The following PAK5 variants were observed in gnomAD, a reference collection of about 807,000 sequenced individuals.
PAK5 encodes the protein serine/threonine-protein kinase PAK 5.
Under a neutral mutation model 65.9 loss-of-function variants are expected in PAK5, and 16 were observed. The ratio of observed to expected loss-of-function variants is 0.24; its 90% CI spans 0.16 to 0.37. The LOEUF (loss-of-function observed/expected upper bound fraction) is 0.37, where lower values mean the gene tolerates loss of function less well. PAK5 is among the 10% of genes least tolerant of loss of function. PAK5 has a pLI of 1.00. For missense variants in PAK5, 785 were observed against 903.9 expected, an observed-to-expected ratio of 0.87 and a Z score of 1.69; for synonymous variants, 371 against 354.9, an observed-to-expected ratio of 1.05 and a Z score of -0.51.
intron 2 of PAK5, among the ~76,000 whole-genome samples, chr20:9,691,327 G>C (rs1288029564): frequency 6.6e-6 from 1 of 152,134 alleles, no homozygotes; most frequent in Non-Finnish European, 1.5e-5. Context: ...ACGGTGGTGG[G>C]AGAGAGTGAG....
chr20:9,796,885 A>G lies in PAK5; in HGVS notation c.-162+41877T>C, dbSNP rs113177985. Among the ~76,000 whole-genome samples, 389 of 152,274 alleles carry G rather than the reference A, an allele frequency of 2.6e-3. 3 individuals are homozygous for G. The highest frequency in any genetic ancestry group is 8.8e-3 in the African/African-American group (365 of 41,562). On this transcript the variant is annotated intron_variant, in intron 1 of 9. Transcript: ENST00000353224. ...AAATCAGAGAAGGAGCATGATTTAT[A>G]TTCCTTTGGGCATATACCCAGTAAT...
intron 7 of PAK5, among the ~76,000 whole-genome samples, chr20:9,552,826 G>A (rs2045449969): frequency 6.6e-6 from 1 of 151,456 alleles, no homozygotes; most frequent in Non-Finnish European, 1.5e-5. Flanking sequence ...GGCCCAAGCA[G>A]TCCTCCTGCC....
Position 9,539,667 on chromosome 20 carries a change from C to T in PAK5, c.2005-50G>A, listed in dbSNP as rs745680969. The T allele has an allele frequency of 2.7e-6, 4 of 1,497,906 alleles. No homozygotes were observed. In the East Asian group the frequency reaches 6.8e-5, roughly 26 times the overall value. 92.8% of individuals were successfully genotyped at this position (1,497,906 alleles called of 1,614,324 possible). A position where few individuals can be genotyped will look rare whatever the true frequency, so the allele number is the denominator to read the frequency against. ...CTGAGGACTAACACAGACACCTAAC[C>T]CAGTCCCCAAAATGTTTTCCCCATT... On this transcript the variant is annotated intron_variant, in intron 9 of 9. Coordinates refer to ENST00000353224, the MANE Select transcript of PAK5 (RefSeq NM_177990.4).
At chr20:9,691,070 G>C (rs2047790544) in intron 2 of PAK5, among the ~76,000 whole-genome samples, 1 of 152,046 alleles carries the variant, frequency 6.6e-6, no homozygotes, top group Non-Finnish European at 1.5e-5. Context: ...CAGCATTTCT[G>C]TCTGTCCCCA....
At chr20:9,830,097 T>G (rs914894880) in intron 1 of PAK5, among the ~76,000 whole-genome samples, 3 of 152,200 alleles carry the variant, frequency 2.0e-5, no homozygotes, top group Non-Finnish European at 2.9e-5. Context: ...GGGGTCTTTG[T>G]TGCAGAGGAG....
At chr20:9,550,138 T>C (rs1325499761) in intron 7 of PAK5, among the ~76,000 whole-genome samples, 3 of 152,180 alleles carry the variant, frequency 2.0e-5, no homozygotes, top group Non-Finnish European at 2.9e-5. Flanking sequence ...CTGTCTTCCA[T>C]GGCCTGTGTG....
chr20:9,613,032 C>A lies in PAK5; in HGVS notation c.204+31093G>T, dbSNP rs531597129. Among the ~76,000 whole-genome samples, 20 of 152,204 alleles carry A rather than the reference C, an allele frequency of 1.3e-4. No individual in the cohort carries two copies. The South Asian group carries it at 4.2e-3, about 32-fold the overall frequency. ...GAGCTAATATTTTAGGTTTTGTGGG[C>A]CATCAAGTCTCTGTGGCAACTACTT... On this transcript the variant is annotated intron_variant, in intron 3 of 9. Transcript: ENST00000353224.
intron 2 of PAK5, among the ~76,000 whole-genome samples, chr20:9,693,689 G>C (rs185385498): frequency 6.6e-6 from 1 of 152,192 alleles, no homozygotes; most frequent in East Asian, 1.9e-4. Flanking sequence ...CAAAAATGCT[G>C]TTGAGCAAAT....
intron 8 of PAK5, among the ~76,000 whole-genome samples, 168 bp from the exon 9 acceptor site, chr20:9,542,888 AAC>A (rs1260597661): frequency 1.3e-5 from 2 of 152,238 alleles, no homozygotes; most frequent in Non-Finnish European, 1.5e-5. Flanking sequence ...AGTTTTTGCT[AAC>A]AGTCTTTGCC....
At chr20:9,833,109 T>C (rs2123791634) in intron 1 of PAK5, among the ~76,000 whole-genome samples, 1 of 152,348 alleles carries the variant, frequency 6.6e-6, no homozygotes, top group African/African-American at 2.4e-5. Flanking sequence ...ACCTTGCATA[T>C]AAACTTATCA....
chr20:9,627,890 G>T (rs1336618731), intron 3 of PAK5, among the ~76,000 whole-genome samples: 5 of 152,190 alleles, frequency 3.3e-5, no homozygotes, highest in Admixed American at 3.3e-4. Flanking sequence ...GCCTCCCAAA[G>T]TGCTGGGATT....
intron 4 of PAK5, among the ~76,000 whole-genome samples, chr20:9,570,120 C>G (rs938581908): frequency 8.5e-5 from 13 of 152,164 alleles, no homozygotes; most frequent in Non-Finnish European, 1.6e-4. Context: ...ATAATACTTA[C>G]TTCCTTTGGT....
chr20:9,597,837 G>C (rs906537173), intron 3 of PAK5, among the ~76,000 whole-genome samples: 2 of 152,202 alleles, frequency 1.3e-5, no homozygotes. Context: ...TGCTAGGCCA[G>C]CCAGCCTCTA....
chr20:9,750,086 G>T (rs964547950), intron 1 of PAK5, among the ~76,000 whole-genome samples: 2 of 152,056 alleles, frequency 1.3e-5, no homozygotes, highest in Non-Finnish European at 2.9e-5. Context: ...TTGTTGTTGA[G>T]CCACATAGAT....
intron 1 of PAK5, among the ~76,000 whole-genome samples, chr20:9,716,579 T>C (rs2048149528): frequency 6.6e-6 from 1 of 152,220 alleles, no homozygotes; most frequent in Non-Finnish European, 1.5e-5. Context: ...GAGTTTATTT[T>C]CTAAGGATTC....
At chr20:9,578,868 A>AT (rs56301487) in intron 4 of PAK5, among the ~76,000 whole-genome samples, 1,709 of 152,044 alleles carry the variant, frequency 0.011, 16 homozygotes, top group Non-Finnish European at 0.017. Flanking sequence ...ATACCACGAG[A>AT]TAAAAAAAAA....
intron 7 of PAK5, among the ~76,000 whole-genome samples, chr20:9,546,941 A>G (rs1425800364): frequency 6.6e-6 from 1 of 152,254 alleles, no homozygotes; most frequent in Non-Finnish European, 1.5e-5. Context: ...TATTCTCTAC[A>G]GTGGGTTGAA....
Position 9,537,932 on chromosome 20 carries a change from T to C in PAK5, c.*1530A>G. The C allele has an allele frequency of 4.3e-6, 1 of 230,594 alleles. No individual in the cohort carries two copies. Among genetic ancestry groups the C allele is most frequent in the Non-Finnish European group, 8.6e-6 (1 of 116,200 alleles). 14.3% of individuals were successfully genotyped at this position (230,594 alleles called of 1,614,324 possible). ...CCTATTAATTACAAAAATTCTTAAT[T>C]ATGCTTAGAGCAACCAGAGCGCTAT... is the stretch of plus-strand genomic sequence containing the variant. On this transcript the variant is annotated 3_prime_UTR_variant, in exon 10 of 10. Coordinates refer to ENST00000353224, the MANE Select transcript of PAK5 (RefSeq NM_177990.4).
chr20:9,627,666 A>C (rs1302390084), intron 3 of PAK5, among the ~76,000 whole-genome samples: 1 of 151,480 alleles, frequency 6.6e-6, no homozygotes, highest in East Asian at 1.9e-4. Context: ...TCACTCTGTC[A>C]CTCAGGCTGG....
Sources: allele counts gnomAD v4.1 joint callset (sites outside exome capture counted in the v4.1 genomes callset), GRCh38; gene constraint gnomAD v4.1.1; transcripts MANE v1.5; gene names NCBI Gene and HGNC (gene_info 2026-07-23, HGNC 2026-07-21).